Variants in TBX15 observed in about 807,000 individuals in gnomAD.
TBX15 encodes the protein T-box transcription factor 15.
In TBX15, 18 loss-of-function variants were observed where a neutral mutation model predicts 53.9. That is an observed-to-expected ratio of 0.33 (90% CI 0.23 to 0.49). The LOEUF (loss-of-function observed/expected upper bound fraction) is 0.49. TBX15 is among the 20% of genes least tolerant of loss of function. The probability of loss-of-function intolerance (pLI) is 0.98; values close to 1 mark genes in which losing one functional copy is unlikely to be tolerated. For missense variants in TBX15, 692 were observed against 749.5 expected, an observed-to-expected ratio of 0.92 and a Z score of 0.90; for synonymous variants, 295 against 278.0, an observed-to-expected ratio of 1.06 and a Z score of -0.61.
chr1:118,889,813 AAT>A lies in TBX15; in HGVS notation c.1025-4299_1025-4298del, dbSNP rs1553217630. On this transcript the variant is annotated intron_variant, in intron 7 of 7. Transcript: ENST00000369429. The stretch of plus-strand genomic sequence containing the variant: ...CATAGGCATTAATTTAAAAAAAAAA[AAT>A]TTAGTAGAGATAGGGTCTCACTATG... 4.7e-3 allele frequency among the ~76,000 whole-genome samples: 698 copies of A among 149,984 alleles called. 1 individual carries two copies. The highest frequency in any genetic ancestry group is 6.0e-3 in the Non-Finnish European group (399 of 66,934).
At chr1:118,912,259 G>T (rs748652947) in intron 6 of TBX15, among the ~76,000 whole-genome samples, 1 of 152,140 alleles carries the variant, frequency 6.6e-6, no homozygotes. Flanking sequence ...AACACCAGTA[G>T]GTTGGAACCC....
intron 1 of TBX15, among the ~76,000 whole-genome samples, chr1:118,969,768 A>C (rs976172159): frequency 6.6e-6 from 1 of 152,238 alleles, no homozygotes; most frequent in African/African-American, 2.4e-5. Flanking sequence ...CTAGAGAAAG[A>C]TAGACTAGGT....
intron 1 of TBX15, among the ~76,000 whole-genome samples, chr1:118,979,903 C>A (rs1657590496): frequency 6.6e-6 from 1 of 152,156 alleles, no homozygotes; most frequent in Non-Finnish European, 1.5e-5. Flanking sequence ...CGGGCTGGCA[C>A]ACCGAGGCCT....
At chr1:118,983,374 G>A (rs1193590053) in intron 1 of TBX15, among the ~76,000 whole-genome samples, 1 of 152,090 alleles carries the variant, frequency 6.6e-6, no homozygotes, top group Admixed American at 6.5e-5. Flanking sequence ...CCACCGCGCC[G>A]GGGCCGGAGT....
intron 1 of TBX15, among the ~76,000 whole-genome samples, chr1:118,963,644 A>C (rs1656949378): frequency 6.6e-6 from 1 of 152,226 alleles, no homozygotes. Context: ...TGGGTCCCTG[A>C]GTCACCACTC....
chr1:118,956,148 T>C (rs141617021), intron 1 of TBX15, among the ~76,000 whole-genome samples: 8 of 152,324 alleles, frequency 5.3e-5, no homozygotes, highest in Non-Finnish European at 1.2e-4. Context: ...ACCTTGATCT[T>C]GGACTTCCCA....
chr1:118,959,774 T>C lies in TBX15; in HGVS notation c.205+27817A>G, dbSNP rs190432662. Among the ~76,000 whole-genome samples the C allele has an allele frequency of 2.3e-4, 35 of 152,320 alleles. No homozygotes were observed. The East Asian group carries it at 6.6e-3, about 29-fold the overall frequency. ...ATGAAATCTGACTTCGAAATCAGAATAGGCACAAATGTCTGCAATAAATTC... is the reference window on the plus strand; with the variant it reads ...ATGAAATCTGACTTCGAAATCAGAACAGGCACAAATGTCTGCAATAAATTC... On this transcript the variant is annotated intron_variant, in intron 1 of 7. Transcript: ENST00000369429.
intron 7 of TBX15, among the ~76,000 whole-genome samples, chr1:118,886,018 G>C (rs1028181759): frequency 6.6e-6 from 1 of 152,218 alleles, no homozygotes; most frequent in South Asian, 2.1e-4. Flanking sequence ...ACACCAACGC[G>C]GGACCCTAAT....
At chr1:118,898,622 T>A (rs541686120) in intron 7 of TBX15, among the ~76,000 whole-genome samples, 1 of 152,110 alleles carries the variant, frequency 6.6e-6, no homozygotes, top group South Asian at 2.1e-4. Flanking sequence ...ATTCCCATTG[T>A]CCAGAGCTAA....
chr1:118,915,735 TA>T (rs1205831237), intron 5 of TBX15, among the ~76,000 whole-genome samples: 1 of 152,202 alleles, frequency 6.6e-6, no homozygotes, highest in Non-Finnish European at 1.5e-5. Flanking sequence ...GGAGTTATAA[TA>T]TTTTATTTTC....
intron 1 of TBX15, among the ~76,000 whole-genome samples, chr1:118,962,402 C>T (rs1054647708): frequency 2.0e-5 from 3 of 151,984 alleles, no homozygotes; most frequent in African/African-American, 7.3e-5. Context: ...ACTATCATCA[C>T]TTCTCCCAAA....
intron 1 of TBX15, among the ~76,000 whole-genome samples, chr1:118,984,970 GA>G (rs1434947051): frequency 6.6e-6 from 1 of 152,162 alleles, no homozygotes; most frequent in Non-Finnish European, 1.5e-5. Flanking sequence ...GTCTTTGAAT[GA>G]AAGTTAAACA....
chr1:118,950,696 T>C (rs185401660), intron 1 of TBX15, among the ~76,000 whole-genome samples: 2 of 152,346 alleles, frequency 1.3e-5, no homozygotes, highest in Admixed American at 1.3e-4. Context: ...ATTCATACCT[T>C]GTCAAGTATG....
intron 1 of TBX15, among the ~76,000 whole-genome samples, chr1:118,974,637 T>G (rs1207237749): frequency 6.6e-6 from 1 of 152,174 alleles, no homozygotes; most frequent in Non-Finnish European, 1.5e-5. Flanking sequence ...CTTACAGCAT[T>G]AGAAGAGTAA....
chr1:118,909,530 T>C (rs1322447668), intron 6 of TBX15, among the ~76,000 whole-genome samples: 1 of 152,242 alleles, frequency 6.6e-6, no homozygotes, highest in African/African-American at 2.4e-5. Flanking sequence ...CCAGGAGGAC[T>C]TCTCCATGGA....
At chr1:118,893,655 G>T (rs575716574) in intron 7 of TBX15, among the ~76,000 whole-genome samples, 1 of 151,356 alleles carries the variant, frequency 6.6e-6, no homozygotes, top group East Asian at 1.9e-4. Context: ...GGGAGGGAGG[G>T]AAGGAAGGAA....
chr1:118,976,328 A>C (rs959298366), intron 1 of TBX15, among the ~76,000 whole-genome samples: 9 of 152,138 alleles, frequency 5.9e-5, no homozygotes, highest in Non-Finnish European at 4.4e-5. Flanking sequence ...TAATTCAGCC[A>C]TGCAACACCC....
At chr1:118,887,318 TA>T (rs2101435980) in intron 7 of TBX15, among the ~76,000 whole-genome samples, 1 of 152,206 alleles carries the variant, frequency 6.6e-6, no homozygotes, top group South Asian at 2.1e-4. Flanking sequence ...TATAAAAGGG[TA>T]AAGGGCACTT....
chr1:118,886,732 C>G (rs1653956741), intron 7 of TBX15, among the ~76,000 whole-genome samples: 1 of 152,162 alleles, frequency 6.6e-6, no homozygotes, highest in African/African-American at 2.4e-5. Context: ...ATTGCTGACT[C>G]CATCCCTAGA....
Sources: allele counts gnomAD v4.1 joint callset (sites outside exome capture counted in the v4.1 genomes callset), GRCh38; gene constraint gnomAD v4.1.1; transcripts MANE v1.5; gene names NCBI Gene and HGNC (gene_info 2026-07-23, HGNC 2026-07-21).